The following PLGRKT variants were observed in gnomAD, a reference collection of about 807,000 sequenced individuals.
PLGRKT encodes the protein plasminogen receptor with a C-terminal lysine.
Under a neutral mutation model 18.5 loss-of-function variants are expected in PLGRKT, and 22 were observed. The observed-to-expected ratio is 1.19, with a 90% CI of 0.85 to 1.70. The LOEUF (loss-of-function observed/expected upper bound fraction) is 1.70, where lower values mean the gene tolerates loss of function less well. Among genes scored for constraint, PLGRKT ranks in the 40% most tolerant of loss-of-function variants. PLGRKT has a pLI of 0.00. For missense variants in PLGRKT, 235 were observed against 174.4 expected, an observed-to-expected ratio of 1.35 and a Z score of -1.96; for synonymous variants, 72 against 52.8, an observed-to-expected ratio of 1.36 and a Z score of -1.58.
At chr9:5,436,171 G>A (rs1025526374) in intron 2 of PLGRKT, among the ~76,000 whole-genome samples, 8 of 152,192 alleles carry the variant, frequency 5.3e-5, no homozygotes, top group Non-Finnish European at 1.2e-4. Flanking sequence ...AACCCTAACA[G>A]TCCCATGCGA....
intron 3 of PLGRKT, among the ~76,000 whole-genome samples, chr9:5,395,268 T>C (rs1818023435): frequency 6.6e-6 from 1 of 151,956 alleles, no homozygotes; most frequent in Admixed American, 6.5e-5. Flanking sequence ...TATTAGGATT[T>C]GAGTAAAGTT....
chr9:5,430,047 C>G (rs562527949), intron 3 of PLGRKT, among the ~76,000 whole-genome samples: 1 of 152,318 alleles, frequency 6.6e-6, no homozygotes, highest in African/African-American at 2.4e-5. Context: ...TGACACAAAT[C>G]CACTGAGTGC....
intron 3 of PLGRKT, among the ~76,000 whole-genome samples, chr9:5,380,370 TAAAAAAA>T (rs71326159): frequency 1.5e-5 from 2 of 129,360 alleles, no homozygotes; most frequent in African/African-American, 2.8e-5. Flanking sequence ...CTGTCTCAAT[TAAAAAAA>T]AAAAAAAAAA....
chr9:5,367,005 C>T (rs1817403068), intron 3 of PLGRKT, among the ~76,000 whole-genome samples: 1 of 143,090 alleles, frequency 7.0e-6, no homozygotes, highest in African/African-American at 2.6e-5. Flanking sequence ...ATCCCATTTA[C>T]AACAGACAGA....
At chr9:5,433,373 C>T (rs1272174063) in intron 2 of PLGRKT, among the ~76,000 whole-genome samples, 2 of 150,732 alleles carry the variant, frequency 1.3e-5, no homozygotes, top group Non-Finnish European at 3.0e-5. Context: ...AGCATCTCTG[C>T]CTGACCGTCC....
At chr9:5,384,647 A>C (rs750516830) in intron 3 of PLGRKT, among the ~76,000 whole-genome samples, 3 of 152,162 alleles carry the variant, frequency 2.0e-5, no homozygotes, top group Non-Finnish European at 4.4e-5. Context: ...AGGTAAGATA[A>C]AGGAAGAATG....
chr9:5,411,435 T>A (rs1818364554), intron 3 of PLGRKT, among the ~76,000 whole-genome samples: 1 of 150,584 alleles, frequency 6.6e-6, no homozygotes, highest in Non-Finnish European at 1.5e-5. Context: ...CTATTGAGCA[T>A]CTACTCTGCT....
In PLGRKT at chr9:5,418,860, C is replaced by T; in HGVS notation, c.81+13037G>A. ...CATCCTTCTGGCTGGTCCTCGTCTG[C>T]TGGAGGCAAACTGAACAGCAGGTGT... On this transcript the variant is annotated intron_variant, in intron 3 of 5. Transcript: ENST00000223864. The surrounding 1 kb of genome is among the most constrained non-coding windows in gnomAD (Gnocchi z 4.2). The T allele has an allele frequency of 9.5e-7, 1 of 1,055,192 alleles. No homozygotes were observed. 65.4% of individuals were successfully genotyped at this position (1,055,192 alleles called of 1,614,324 possible). A position where few individuals can be genotyped will look rare whatever the true frequency, so the allele number is the denominator to read the frequency against.
intron 3 of PLGRKT, among the ~76,000 whole-genome samples, chr9:5,379,365 A>G (rs1428176144): frequency 2.0e-5 from 3 of 152,216 alleles, no homozygotes; most frequent in Non-Finnish European, 2.9e-5. Context: ...TAAAGTTACT[A>G]CAGAGATGTG....
At chr9:5,389,555 A>G (rs1357662846) in intron 3 of PLGRKT, among the ~76,000 whole-genome samples, 1 of 151,886 alleles carries the variant, frequency 6.6e-6, no homozygotes, top group Non-Finnish European at 1.5e-5. Context: ...CTGGATAATG[A>G]GTCATCAGAG....
chr9:5,397,809 G>T (rs1418002932), intron 3 of PLGRKT, among the ~76,000 whole-genome samples: 1 of 151,940 alleles, frequency 6.6e-6, no homozygotes, highest in Non-Finnish European at 1.5e-5. Context: ...GGCTGCCCTT[G>T]GTGTCAGCTG....
At chr9:5,424,087 T>C (rs1818630256) in intron 3 of PLGRKT, among the ~76,000 whole-genome samples, 1 of 143,972 alleles carries the variant, frequency 6.9e-6, no homozygotes, top group African/African-American at 2.5e-5. Flanking sequence ...GTATAATATA[T>C]AATATATATT....
chr9:5,427,400 G>A (rs140991517), intron 3 of PLGRKT, among the ~76,000 whole-genome samples: 275 of 152,054 alleles, frequency 1.8e-3, no homozygotes, highest in African/African-American at 6.4e-3. Context: ...AAGTGAAAGA[G>A]TGGAAGTTCT....
At chr9:5,415,111 G>C (rs10758687) in intron 3 of PLGRKT, among the ~76,000 whole-genome samples, 39,823 of 151,988 alleles carry the variant, frequency 0.26, 5,431 homozygotes, top group South Asian at 0.32. Context: ...TCCAGGCCTG[G>C]AGCAGGAACA....
chr9:5,383,572 T>A (rs538321757), intron 3 of PLGRKT, among the ~76,000 whole-genome samples: 74 of 152,292 alleles, frequency 4.9e-4, no homozygotes, highest in African/African-American at 1.8e-3. Context: ...TAATGTACAA[T>A]CAGTAAGAGC....
At position 5,418,650 on chromosome 9, in the gene PLGRKT, G is replaced by C. The variant is rs550707641; in HGVS notation, c.81+13247C>G. The C allele has an allele frequency of 1.5e-6, 1 of 687,462 alleles. No homozygotes were observed. The highest frequency in any genetic ancestry group is 2.7e-6 in the Non-Finnish European group (1 of 368,412). The allele number at this position is 687,462 out of a possible 1,614,324, so 42.6% of individuals were successfully genotyped here. ...GGCTCATATCTCCGGGCAGCAGCGC[G>C]TGCTCCTTGGAGATGGGCAGGGGCA... is the stretch of plus-strand genomic sequence containing the variant. On this transcript the variant is annotated intron_variant, in intron 3 of 5. Coordinates refer to ENST00000223864, the MANE Select transcript of PLGRKT (RefSeq NM_018465.4). The surrounding 1 kb of genome is among the most constrained non-coding windows in gnomAD (Gnocchi z 4.2).
chr9:5,408,448 G>A (rs1387563681), intron 3 of PLGRKT, among the ~76,000 whole-genome samples: 1 of 152,232 alleles, frequency 6.6e-6, no homozygotes, highest in African/African-American at 2.4e-5. Context: ...TACGGTATCT[G>A]GTGGAAGAAA....
At chr9:5,394,489 T>C (rs145391477) in intron 3 of PLGRKT, among the ~76,000 whole-genome samples, 76 of 151,968 alleles carry the variant, frequency 5.0e-4, no homozygotes, top group African/African-American at 1.5e-3. Context: ...CTCAGCTCAC[T>C]GCAACTTCCG....
chr9:5,405,864 C>T (rs1263163058), intron 3 of PLGRKT, among the ~76,000 whole-genome samples: 1 of 152,056 alleles, frequency 6.6e-6, no homozygotes, highest in African/African-American at 2.4e-5. Context: ...ATCCATCTGA[C>T]AAAGGTCTAA....
Sources: gnomAD v4.1 joint callset for allele counts (sites outside exome capture counted in the v4.1 genomes callset) on GRCh38, gnomAD v4.1.1 for gene constraint, Gnocchi (gnomAD v3.1) non-coding constraint, MANE v1.5 for transcripts, NCBI Gene and HGNC (gene_info 2026-07-23, HGNC 2026-07-21) for gene names.